LAMA2: variants seen among roughly 807,000 people sequenced by gnomAD.
LAMA2 encodes laminin subunit alpha-2.
LAMA2 carries 269 observed loss-of-function variants against 364.8 expected under a neutral mutation model. That is an observed-to-expected ratio of 0.74 (90% confidence interval 0.67 to 0.82). The LOEUF (loss-of-function observed/expected upper bound fraction) is 0.82, where lower values mean the gene tolerates loss of function less well. LAMA2 is among the 40% of genes least tolerant of loss of function. LAMA2 has a pLI of 0.00. For missense variants in LAMA2, 3,807 were observed against 3,873.2 expected (o/e 0.98, Z 0.45); for synonymous variants, 1,379 against 1,370.6 (o/e 1.01, Z -0.14).
rs915906595 is a variant in LAMA2, at chr6:128,902,638, G to A, written c.112+19281G>A. ...CATTTTAAAGTAGAAGAGAAGGTAG[G>A]GTATCAAAAGTAGGGTGCGCTACGC... On this transcript the variant is annotated intron_variant, in intron 1 of 64. Coordinates refer to ENST00000421865, the MANE Select transcript of LAMA2 (RefSeq NM_000426.4). 5.9e-5 allele frequency among the ~76,000 whole-genome samples: 9 copies of A among 152,204 alleles called. No individual in the cohort carries two copies. In the South Asian group the frequency reaches 1.9e-3, roughly 32 times the overall value.
At chr6:129,236,585 G>A (rs1173084304) in intron 12 of LAMA2, among the ~76,000 whole-genome samples, 1 of 152,052 alleles carries the variant, frequency 6.6e-6, no homozygotes, top group Non-Finnish European at 1.5e-5. Flanking sequence ...ATATTTTTAT[G>A]AGTCATTTCA....
intron 27 of LAMA2, among the ~76,000 whole-genome samples, chr6:129,317,795 T>A (rs1275545372): frequency 6.6e-6 from 1 of 152,188 alleles, no homozygotes; most frequent in African/African-American, 2.4e-5. Context: ...AAACAGAACA[T>A]CTTGTTAGTG....
intron 56 of LAMA2, 55 bp downstream of exon 56, chr6:129,486,677 A>T: frequency 6.6e-7 from 1 of 1,513,110 alleles, no homozygotes; most frequent in African/African-American, 1.4e-5. Context: ...TTCCTTTGCT[A>T]GCATCGGTAT....
Position 129,190,187 on chromosome 6 carries a change from A to T in LAMA2, c.1468-18A>T, listed in dbSNP as rs771718586. On this transcript the variant is annotated intron_variant, in intron 10 of 64. Transcript: ENST00000421865. ...GTTGAAGGATACCTCTGTTGCTGAT[A>T]CATCTCTTTATTTGCAGGAAAATGT... is the stretch of plus-strand genomic sequence containing the variant. The T allele has an allele frequency of 1.9e-6, 3 of 1,612,604 alleles. No homozygotes were observed. In the South Asian group the frequency reaches 3.3e-5, roughly 18 times the overall value.
intron 2 of LAMA2, among the ~76,000 whole-genome samples, chr6:129,053,172 G>A (rs546042950): frequency 8.9e-4 from 135 of 152,220 alleles, no homozygotes; most frequent in African/African-American, 3.2e-3. Context: ...TCCGCCTCCC[G>A]GGTTCAAGAG....
At chr6:129,047,348 G>T (rs1008644933) in intron 1 of LAMA2, among the ~76,000 whole-genome samples, 4 of 152,114 alleles carry the variant, frequency 2.6e-5, no homozygotes, top group African/African-American at 9.7e-5. Flanking sequence ...ATGTCTCATT[G>T]TGTTGGGGCC....
At chr6:129,076,760 C>A (rs889166133) in intron 3 of LAMA2, among the ~76,000 whole-genome samples, 2 of 151,824 alleles carry the variant, frequency 1.3e-5, no homozygotes, top group Non-Finnish European at 2.9e-5. Flanking sequence ...AAAAGTAATA[C>A]ATTCCCTTGT....
At position 129,503,293 on chromosome 6, in the gene LAMA2, T is replaced by C. The variant is rs1394210831; in HGVS notation, c.8547+13T>C. ...CCAGTGGCACAAGGTAATAGTCCCCTGGATATTGGCAGTACCCTAAGGGAA... is the reference window on the plus strand; with the variant it reads ...CCAGTGGCACAAGGTAATAGTCCCCCGGATATTGGCAGTACCCTAAGGGAA... On this transcript the variant is annotated intron_variant, in intron 60 of 64. Transcript: ENST00000421865. The C allele has an allele frequency of 1.9e-6, 3 of 1,609,684 alleles. No individual in the cohort carries two copies. In the South Asian group the frequency reaches 3.3e-5, roughly 18 times the overall value.
At position 129,393,105 on chromosome 6, in the gene LAMA2, T is replaced by G. The variant is rs1160667427; in HGVS notation, c.5295T>G (p.Asn1765Lys). The change falls in exon 37 of 65, where the codon AAT becomes AAG. Residue 1765 changes from asparagine (N) to lysine (K), a missense_variant. Asn to Lys is a moderately conservative substitution (Grantham distance 94, BLOSUM62 0). Transcript: ENST00000421865. The stretch of plus-strand genomic sequence containing the variant: ...TGTTTGGAGAGTCCCGGGGGGAAAA[T>G]GAAGAAATGGAGAAGGATCTCCGGG... ...KKLFGESRGENEEMEKDLREK... is the reference protein window; with the variant it reads ...KKLFGESRGEKEEMEKDLREK... The G allele has an allele frequency of 1.2e-6, 2 of 1,613,336 alleles. No homozygotes were observed. The highest frequency in any genetic ancestry group is 4.5e-5 in the East Asian group (2 of 44,874).
chr6:129,039,656 A>G (rs1032636868), intron 1 of LAMA2, among the ~76,000 whole-genome samples: 2 of 152,128 alleles, frequency 1.3e-5, no homozygotes, highest in East Asian at 3.9e-4. Context: ...GTGGAAGACA[A>G]TTTTTCCATT....
intron 58 of LAMA2, among the ~76,000 whole-genome samples, chr6:129,501,428 A>G (rs1223432866): frequency 1.3e-5 from 2 of 152,204 alleles, no homozygotes; most frequent in Non-Finnish European, 2.9e-5. Flanking sequence ...GACCAATTTT[A>G]CGGCATTTCA....
Position 129,049,993 on chromosome 6 carries a change from C to T in LAMA2, c.188C>T (p.Pro63Leu), listed in dbSNP as rs773374895. 1.9e-6 allele frequency: 3 copies of T among 1,613,946 alleles called. No homozygotes were observed. The highest frequency in any genetic ancestry group is 2.5e-6 in the Non-Finnish European group (3 of 1,179,874). ...TTNATCGEKG[P>L]EMYCKLVEHV... ...AATGCAACATGTGGAGAAAAAGGAC[C>T]TGAAATGTACTGCAAATTGGTAGAA... is the stretch of plus-strand genomic sequence containing the variant. Residue 63 changes from proline (P) to leucine (L), a missense_variant, in exon 2 of 65, where the codon CCT becomes CTT. Pro to Leu is a moderately conservative substitution (Grantham distance 98). Coordinates refer to ENST00000421865, the MANE Select transcript of LAMA2 (RefSeq NM_000426.4).
In LAMA2 at chr6:128,961,354, T is replaced by TATATATATATTATATATATATATATATA. The variant is rs1562873136; in HGVS notation, c.112+78007_112+78008insTATATATATATATATATAATATATATAT. Reference sequence around the variant, plus strand: ...ATATATATATATATATATATATATATATATATATATATATTAGTTTATTAA... The same window carrying TATATATATATTATATATATATATATATA: ...ATATATATATATATATATATATATATATATATATATTATATATATATATATATAATATATATATATATTAGTTTATTAA... On this transcript the variant is annotated intron_variant, in intron 1 of 64. Coordinates refer to ENST00000421865, the MANE Select transcript of LAMA2 (RefSeq NM_000426.4). Among the ~76,000 whole-genome samples the TATATATATATTATATATATATATATATA allele has an allele frequency of 3.6e-4, 28 of 77,604 alleles. 2 individuals are homozygous for TATATATATATTATATATATATATATATA. The highest frequency in any genetic ancestry group is 1.3e-3 in the African/African-American group (28 of 21,814). The allele number at this position is 77,604 out of a possible 152,430, so 50.9% of individuals were successfully genotyped here. A position where few individuals can be genotyped will look rare whatever the true frequency, so the allele number is the denominator to read the frequency against.
chr6:129,187,289 T>G (rs985371162), intron 10 of LAMA2, among the ~76,000 whole-genome samples: 1 of 151,708 alleles, frequency 6.6e-6, no homozygotes, highest in Non-Finnish European at 1.5e-5. Flanking sequence ...ATCATATATA[T>G]TAACAAGCTA....
chr6:129,336,114 C>T (rs1476922339), intron 29 of LAMA2, among the ~76,000 whole-genome samples: 1 of 152,006 alleles, frequency 6.6e-6, no homozygotes, highest in Non-Finnish European at 1.5e-5. Context: ...GCTTACTTAA[C>T]AAATATCTGT....
At chr6:129,316,448 T>G (rs543166985) in intron 27 of LAMA2, among the ~76,000 whole-genome samples, 1 of 152,326 alleles carries the variant, frequency 6.6e-6, no homozygotes, top group East Asian at 1.9e-4. Flanking sequence ...CAAGAGATCA[T>G]ATACTGTAGA....
intron 12 of LAMA2, among the ~76,000 whole-genome samples, chr6:129,206,552 G>GA (rs1386024862): frequency 8.5e-5 from 13 of 152,228 alleles, no homozygotes; most frequent in Admixed American, 8.5e-4. Flanking sequence ...TGATCACAAG[G>GA]ATTTGAATAG....
At chr6:129,027,376 A>G (rs957896954) in intron 1 of LAMA2, among the ~76,000 whole-genome samples, 2 of 152,090 alleles carry the variant, frequency 1.3e-5, no homozygotes, top group African/African-American at 4.8e-5. Context: ...GGAGGTACAC[A>G]TACATATCTC....
rs1786666711 is a variant in LAMA2 at position 129,256,439 on chromosome 6, G to T, written c.2096+4144G>T. 3.3e-5 allele frequency among the ~76,000 whole-genome samples: 5 copies of T among 152,100 alleles called. No homozygotes were observed. The South Asian group carries it at 8.3e-4, about 25-fold the overall frequency. Reference sequence around the variant, plus strand: ...TAGGCTAGGCTATAAGGATACAAAGGTGGACAAATGATCATTCAGTTCAAA... The same window carrying T: ...TAGGCTAGGCTATAAGGATACAAAGTTGGACAAATGATCATTCAGTTCAAA... On this transcript the variant is annotated intron_variant, in intron 14 of 64. Transcript: ENST00000421865.
Sources: gnomAD v4.1 joint callset for allele counts (sites outside exome capture counted in the v4.1 genomes callset) on GRCh38, gnomAD v4.1.1 for gene constraint, MANE v1.5 for transcripts, NCBI Gene and HGNC (gene_info 2026-07-23, HGNC 2026-07-21) for gene names.